Variants in NDUFA5 observed in about 807,000 individuals in gnomAD.
NDUFA5 encodes the protein NADH:ubiquinone oxidoreductase subunit A5, also known as NADH dehydrogenase [ubiquinone] 1 alpha subcomplex subunit 5.
NDUFA5 carries 11 observed loss-of-function variants against 19.8 expected under a neutral mutation model. The ratio of observed to expected loss-of-function variants is 0.56; its 90% CI spans 0.35 to 0.92. The LOEUF (loss-of-function observed/expected upper bound fraction) is 0.92, where lower values mean the gene tolerates loss of function less well. Ranked by LOEUF, NDUFA5 falls within the 40% of genes least tolerant of loss-of-function variation. The pLI is 0.01. For synonymous variants in NDUFA5, 47 were observed against 46.8 expected (o/e 1.00, Z -0.01); for missense variants, 109 against 134.2 (o/e 0.81, Z 0.93).
At chr7:123,581,414 T>TA in the NDUFA5 span, among the ~76,000 whole-genome samples, 440 of 124,426 alleles carry the variant, frequency 3.5e-3, 6 homozygotes, top group East Asian at 6.4e-3. Context: ...AGTGAGCACT[T>TA]AAAAAAAAAA....
At chr7:123,549,053 G>T in intron 3 of NDUFA5, among the ~76,000 whole-genome samples, 1 of 152,124 alleles carries the variant, frequency 6.6e-6, no homozygotes, top group Middle Eastern at 3.2e-3. Context: ...TATACAAGAG[G>T]ATGTGCATAG....
At position 123,542,116 on chromosome 7, in the gene NDUFA5, T is replaced by G. The variant is rs11555503; in HGVS notation, c.*3A>C. On this transcript the variant is annotated 3_prime_UTR_variant, in exon 5 of 5. Coordinates refer to ENST00000355749, the MANE Select transcript of NDUFA5 (RefSeq NM_005000.5). ...CCATGAACACACCAAAGTCACTTAA[T>G]AATTATATTGGCCATTTCCACTGAT... The G allele has an allele frequency of 1.2e-6, 2 of 1,601,440 alleles. No individual in the cohort carries two copies. The highest frequency in any genetic ancestry group is 3.4e-5 in the Admixed American group (2 of 58,682).
At chr7:123,583,952 G>A in the NDUFA5 span, among the ~76,000 whole-genome samples, 3 of 151,768 alleles carry the variant, frequency 2.0e-5, no homozygotes, top group Admixed American at 6.6e-5. Context: ...CACTCCTTTC[G>A]GCTGTAAATA....
At chr7:123,583,981 G>A in the NDUFA5 span, among the ~76,000 whole-genome samples, 1 of 151,882 alleles carries the variant, frequency 6.6e-6, no homozygotes, top group Non-Finnish European at 1.5e-5. Context: ...CCCTTGGCTT[G>A]TATTCTGTCT....
At chr7:123,568,332 G>A in the NDUFA5 span, among the ~76,000 whole-genome samples, 1 of 151,864 alleles carries the variant, frequency 6.6e-6, no homozygotes, top group African/African-American at 2.4e-5. Context: ...GACCAACGTG[G>A]AGAAACCCCA....
chr7:123,557,999 T>A (rs1280856577), upstream of NDUFA5: 1 of 779,602 alleles, frequency 1.3e-6, no homozygotes, highest in Non-Finnish European at 2.0e-6. Context: ...AGCCTAAAGC[T>A]AAGCTAGAAG....
Position 123,538,593 on chromosome 7 carries a change from TTGGCCAG to T in NDUFA5, c.*3519_*3525del. ...TTAGTAGAGACGGGGTTTCACCATATTGGCCAGGCTGGCCTCGAACTTTTGACCTCAA... is the reference window on the plus strand; with the variant it reads ...TTAGTAGAGACGGGGTTTCACCATATGCTGGCCTCGAACTTTTGACCTCAA... On this transcript the variant is annotated 3_prime_UTR_variant, in exon 5 of 5. Transcript: ENST00000355749. 6.6e-6 allele frequency: 1 copy of T among 152,376 alleles called. No individual in the cohort carries two copies. The highest frequency in any genetic ancestry group is 2.4e-5 in the African/African-American group (1 of 41,578). The allele number at this position is 152,376 out of a possible 1,614,324, so 9.4% of individuals were successfully genotyped here.
the NDUFA5 span, among the ~76,000 whole-genome samples, chr7:123,587,736 T>G: frequency 2.0e-5 from 3 of 151,848 alleles, no homozygotes; most frequent in Admixed American, 2.0e-4. Context: ...CTGAGAGTTT[T>G]TAATATCAAA....
chr7:123,574,506 A>C, the NDUFA5 span, among the ~76,000 whole-genome samples: 1 of 152,194 alleles, frequency 6.6e-6, no homozygotes, highest in African/African-American at 2.4e-5. Flanking sequence ...GATGATAATG[A>C]TAGTGGGCTG....
the NDUFA5 span, among the ~76,000 whole-genome samples, chr7:123,566,210 T>C: frequency 6.6e-6 from 1 of 151,652 alleles, no homozygotes; most frequent in Non-Finnish European, 1.5e-5. Flanking sequence ...GAGATCAGAG[T>C]GATGCATCTA....
At chr7:123,584,697 T>G in the NDUFA5 span, among the ~76,000 whole-genome samples, 1 of 151,976 alleles carries the variant, frequency 6.6e-6, no homozygotes, top group Admixed American at 6.6e-5. Context: ...GACTGTTAGC[T>G]TTCAATGTGC....
the NDUFA5 span, among the ~76,000 whole-genome samples, chr7:123,571,822 T>C: frequency 6.6e-6 from 1 of 152,202 alleles, no homozygotes; most frequent in Non-Finnish European, 1.5e-5. Flanking sequence ...TGGAGTGCAG[T>C]GGCATGATCA....
the NDUFA5 span, among the ~76,000 whole-genome samples, chr7:123,569,933 A>G: frequency 6.6e-6 from 1 of 151,062 alleles, no homozygotes; most frequent in Admixed American, 6.6e-5. Context: ...GCAAATAATG[A>G]TTGTTATTAT....
the NDUFA5 span, among the ~76,000 whole-genome samples, chr7:123,587,216 A>G: frequency 1.3e-5 from 2 of 151,496 alleles, no homozygotes; most frequent in African/African-American, 4.8e-5. Flanking sequence ...TCTTCTTTCA[A>G]TGTCTTTCAT....
chr7:123,565,477 A>G, the NDUFA5 span, among the ~76,000 whole-genome samples: 1 of 152,130 alleles, frequency 6.6e-6, no homozygotes, highest in Non-Finnish European at 1.5e-5. Context: ...GGTTCCCCAG[A>G]TAACATATGT....
chr7:123,549,861 T>C (rs1268765624), intron 3 of NDUFA5, among the ~76,000 whole-genome samples: 1 of 152,218 alleles, frequency 6.6e-6, no homozygotes. Context: ...CTTTGAACTA[T>C]ATAGTCTGGT....
chr7:123,566,025 A>G, the NDUFA5 span, among the ~76,000 whole-genome samples: 11 of 152,108 alleles, frequency 7.2e-5, no homozygotes, highest in Non-Finnish European at 1.6e-4. Flanking sequence ...TCTAAAAAAA[A>G]AAAAAAGAAA....
chr7:123,544,964 T>C (rs188537598), intron 4 of NDUFA5, among the ~76,000 whole-genome samples: 28 of 152,020 alleles, frequency 1.8e-4, no homozygotes, highest in Admixed American at 4.6e-4. Flanking sequence ...GTTTGTTCTC[T>C]TGTATAAGCA....
At chr7:123,575,810 A>G in the NDUFA5 span, among the ~76,000 whole-genome samples, 5 of 132,512 alleles carry the variant, frequency 3.8e-5, no homozygotes, top group African/African-American at 1.4e-4. Flanking sequence ...GGCAGCATGA[A>G]GTTTTCTTTT....
Sources: allele counts gnomAD v4.1 joint callset (sites outside exome capture counted in the v4.1 genomes callset), GRCh38; gene constraint gnomAD v4.1.1; transcripts MANE v1.5; gene names NCBI Gene and HGNC (gene_info 2026-07-23, HGNC 2026-07-21).